Variants in NUGGC observed in about 807,000 individuals in gnomAD.
NUGGC encodes the protein nuclear GTPase, germinal center associated, also known as nuclear GTPase SLIP-GC.
NUGGC carries 58 observed loss-of-function variants against 92.6 expected under a neutral mutation model. That is an observed-to-expected ratio of 0.63 (90% CI 0.51 to 0.78). The LOEUF (loss-of-function observed/expected upper bound fraction) is 0.78, where lower values mean the gene tolerates loss of function less well. Among genes scored for constraint, NUGGC ranks in the 30% least tolerant of loss-of-function variants. NUGGC has a pLI of 0.00. For synonymous variants in NUGGC, 376 were observed against 366.4 expected (o/e 1.03, Z -0.30); for missense variants, 925 against 964.6 (o/e 0.96, Z 0.54).
chr8:28,064,797 G>A, intron 6 of NUGGC, 66 bp from the exon 7 acceptor site: 1 of 1,363,518 alleles, frequency 7.3e-7, no homozygotes, highest in Non-Finnish European at 1.0e-6. Flanking sequence ...CCGGTTGGCT[G>A]TGATGCAGGT....
chr8:28,067,853 A>G, intron 5 of NUGGC, 109 bp from the exon 6 acceptor site: 1 of 802,150 alleles, frequency 1.2e-6, no homozygotes, highest in South Asian at 1.7e-5. Context: ...GCATATTCAG[A>G]AAATCTAGGT....
At chr8:28,067,335 T>G (rs532277914) in intron 6 of NUGGC, among the ~76,000 whole-genome samples, 179 bp downstream of exon 6, 1 of 152,312 alleles carries the variant, frequency 6.6e-6, no homozygotes, top group East Asian at 1.9e-4. Context: ...TACCAAAAAT[T>G]TCCATTTGAT....
intron 14 of NUGGC, among the ~76,000 whole-genome samples, chr8:28,031,782 A>G (rs2130083783): frequency 6.6e-6 from 1 of 152,370 alleles, no homozygotes; most frequent in South Asian, 2.1e-4. Context: ...GAAGAAGTGG[A>G]AAGAAGAAAT....
intron 2 of NUGGC, 102 bp downstream of exon 2, chr8:28,074,266 A>G (rs1810664918): frequency 2.5e-6 from 2 of 802,556 alleles, no homozygotes; most frequent in East Asian, 2.6e-5. Context: ...AGAGTAAGGA[A>G]CAATGACAAC....
chr8:28,027,091 G>T, intron 17 of NUGGC, 39 bp from the exon 18 acceptor site: 1 of 1,496,874 alleles, frequency 6.7e-7, no homozygotes, highest in Non-Finnish European at 9.3e-7. Flanking sequence ...GGATGGTGCA[G>T]CCCAAGGAAA....
chr8:28,040,323 CAAGAT>C (rs1046643701), intron 13 of NUGGC, among the ~76,000 whole-genome samples: 2 of 152,174 alleles, frequency 1.3e-5, no homozygotes, highest in Admixed American at 1.3e-4. Flanking sequence ...TGAGAGGTTA[CAAGAT>C]GTTTCCTCAT....
In NUGGC at chr8:28,083,871, T is replaced by C. The variant is rs764057591; in HGVS notation, c.-143A>G. 6.6e-6 allele frequency: 1 copy of C among 151,930 alleles called. No homozygotes were observed. Among genetic ancestry groups the C allele is most frequent in the Non-Finnish European group, 1.5e-5 (1 of 68,016 alleles). 9.4% of individuals were successfully genotyped at this position (151,930 alleles called of 1,614,324 possible). A position where few individuals can be genotyped will look rare whatever the true frequency, so the allele number is the denominator to read the frequency against. On this transcript the variant is annotated 5_prime_UTR_variant, in exon 1 of 19. Transcript: ENST00000413272. ...GCAGCTTCTCCTTGGTTCAGGTATT[T>C]GGAACCAGCTGGGGTACGTAGCCCT...
chr8:28,073,913 C>T (rs1398164226), intron 2 of NUGGC, among the ~76,000 whole-genome samples: 2 of 152,130 alleles, frequency 1.3e-5, no homozygotes, highest in East Asian at 3.9e-4. Flanking sequence ...ATTCTCCTGC[C>T]TCAGCCTCCC....
intron 9 of NUGGC, 72 bp from the exon 10 acceptor site, chr8:28,056,126 ATT>A: frequency 1.2e-6 from 1 of 826,880 alleles, no homozygotes; most frequent in Non-Finnish European, 1.9e-6. Context: ...CAAGATGCAC[ATT>A]TTTTTGGCAG....
intron 12 of NUGGC, among the ~76,000 whole-genome samples, chr8:28,042,618 TCTCCTGC>T (rs147101000): frequency 6.6e-6 from 1 of 152,152 alleles, no homozygotes; most frequent in Non-Finnish European, 1.5e-5. Flanking sequence ...CCACAGCACG[TCTCCTGC>T]CTCCTGCCGT....
chr8:28,030,591 C>T (rs1809392492), intron 15 of NUGGC, among the ~76,000 whole-genome samples, 173 bp from the exon 16 acceptor site: 2 of 152,338 alleles, frequency 1.3e-5, no homozygotes, highest in East Asian at 1.9e-4. Context: ...GAACTCTGTT[C>T]TAAGCATCTT....
chr8:28,033,641 AT>A lies in NUGGC; in HGVS notation c.1667del (p.Asn556MetfsTer14). On this transcript the variant is annotated frameshift_variant, in exon 14 of 19. Coordinates refer to ENST00000413272, the MANE Select transcript of NUGGC (RefSeq NM_001010906.2). LOFTEE classifies it high-confidence loss of function. ...HQTLKAVCLK[N>X]GIYASRTLAR... Reference sequence around the variant, plus strand: ...CCAGAGTCCTGGAGGCATAGATGCCATTTTTCAGGCAAACAGCTTTCAGGGT... The same window carrying A: ...CCAGAGTCCTGGAGGCATAGATGCCATTTTCAGGCAAACAGCTTTCAGGGT... The A allele has an allele frequency of 6.2e-7, 1 of 1,613,962 alleles. No homozygotes were observed. Among genetic ancestry groups the A allele is most frequent in the South Asian group, 1.1e-5 (1 of 91,076 alleles).
intron 9 of NUGGC, among the ~76,000 whole-genome samples, chr8:28,057,379 T>C (rs117969056): frequency 6.7e-6 from 1 of 150,210 alleles, no homozygotes; most frequent in East Asian, 2.0e-4. Context: ...AGTCTCACTG[T>C]TGCTCAGGCT....
At chr8:28,036,808 C>T (rs907738448) in intron 13 of NUGGC, among the ~76,000 whole-genome samples, 1 of 152,194 alleles carries the variant, frequency 6.6e-6, no homozygotes, top group African/African-American at 2.4e-5. Context: ...TGCCATGTCT[C>T]ATCTTAACAA....
At chr8:28,039,815 A>G (rs931137061) in intron 13 of NUGGC, among the ~76,000 whole-genome samples, 4 of 152,224 alleles carry the variant, frequency 2.6e-5, no homozygotes, top group Admixed American at 1.3e-4. Context: ...AATGGGTGCT[A>G]TGGACTAAAG....
chr8:28,058,332 C>A, intron 8 of NUGGC, 56 bp from the exon 9 acceptor site: 1 of 347,952 alleles, frequency 2.9e-6, no homozygotes. Flanking sequence ...TGTGTCACTG[C>A]AGTCTTTCGA....
chr8:28,048,199 C>A (rs1488330072), intron 10 of NUGGC, among the ~76,000 whole-genome samples: 1 of 152,188 alleles, frequency 6.6e-6, no homozygotes, highest in Non-Finnish European at 1.5e-5. Flanking sequence ...AGAGGCACAT[C>A]ATTTCCCTGT....
At chr8:28,040,953 CTT>C (rs1809681103) in intron 13 of NUGGC, 96 bp downstream of exon 13, 2 of 1,269,700 alleles carry the variant, frequency 1.6e-6, no homozygotes, top group Non-Finnish European at 2.2e-6. Flanking sequence ...CCCGCTAACT[CTT>C]TACCTCTTTT....
chr8:28,057,516 G>A lies in NUGGC; in HGVS notation c.1116+742C>T, dbSNP rs184790369. On this transcript the variant is annotated intron_variant, in intron 9 of 18. Transcript: ENST00000413272. Reference sequence around the variant, plus strand: ...TCCACCAGGCCCAGCTAATTTTTGCGTTTTTAGTAGAAACGGGGTTTCACC... The same window carrying A: ...TCCACCAGGCCCAGCTAATTTTTGCATTTTTAGTAGAAACGGGGTTTCACC... Among the ~76,000 whole-genome samples, 189 of 151,554 alleles carry A rather than the reference G, an allele frequency of 1.2e-3. No individual in the cohort carries two copies. The South Asian group carries it at 0.016, about 13-fold the overall frequency.
Sources: allele counts gnomAD v4.1 joint callset (sites outside exome capture counted in the v4.1 genomes callset), GRCh38; gene constraint gnomAD v4.1.1; transcripts MANE v1.5; gene names NCBI Gene and HGNC (gene_info 2026-07-23, HGNC 2026-07-21).